Variants in SLFN12 observed in about 807,000 individuals in gnomAD.
SLFN12 encodes schlafen family member 12, also known as ribonuclease SLFN12.
Under a neutral mutation model 29.1 loss-of-function variants are expected in SLFN12, and 25 were observed. That is an observed-to-expected ratio of 0.86 (90% CI 0.63 to 1.20). The LOEUF (loss-of-function observed/expected upper bound fraction) is 1.20. SLFN12 is among the 50% of genes most tolerant of loss of function. SLFN12 has a pLI of 0.00. For synonymous variants in SLFN12, 257 were observed against 238.7 expected, an observed-to-expected ratio of 1.08 and a Z score of -0.71; for missense variants, 660 against 666.2, an observed-to-expected ratio of 0.99 and a Z score of 0.10.
At chr17:35,431,457 A>G (rs921836888) in intron 1 of SLFN12, among the ~76,000 whole-genome samples, 1 of 152,120 alleles carries the variant, frequency 6.6e-6, no homozygotes, top group Non-Finnish European at 1.5e-5. Flanking sequence ...TTGAGGCCAA[A>G]CACTACTGCA....
chr17:35,420,471 T>C, intron 2 of SLFN12, 90 bp from the exon 3 acceptor site: 2 of 745,694 alleles, frequency 2.7e-6, no homozygotes, highest in Non-Finnish European at 4.2e-6. Flanking sequence ...AGTCTACTTG[T>C]AACTGATTCT....
chr17:35,431,378 A>G (rs1912308037), intron 1 of SLFN12, among the ~76,000 whole-genome samples: 1 of 152,144 alleles, frequency 6.6e-6, no homozygotes, highest in Admixed American at 6.5e-5. Context: ...ACAGCAGCAC[A>G]AGAGCCTGCA....
intron 1 of SLFN12, among the ~76,000 whole-genome samples, chr17:35,424,352 T>TA (rs1272628255): frequency 1.8e-4 from 28 of 152,200 alleles, no homozygotes; most frequent in Middle Eastern, 6.8e-3. Context: ...TTTAACTTTT[T>TA]AAAAAAAGTG....
intron 3 of SLFN12, among the ~76,000 whole-genome samples, chr17:35,418,423 A>C (rs1911438994): frequency 6.6e-6 from 1 of 152,134 alleles, no homozygotes; most frequent in Non-Finnish European, 1.5e-5. Context: ...ATGAGTACGA[A>C]GACCTCTAAA....
chr17:35,432,017 G>C (rs772288), intron 1 of SLFN12, 171 bp downstream of exon 1: 63,630 of 151,786 alleles, frequency 0.42, 14,499 homozygotes, highest in Non-Finnish European at 0.49. Flanking sequence ...TGGCCTTCAA[G>C]GCAGCACTGG....
At chr17:35,429,058 C>T (rs1184139055) in intron 1 of SLFN12, among the ~76,000 whole-genome samples, 1 of 152,084 alleles carries the variant, frequency 6.6e-6, no homozygotes, top group Non-Finnish European at 1.5e-5. Context: ...TGCTCTGCTC[C>T]CCGATTCTTT....
At chr17:35,419,354 G>C (rs547958837) in intron 3 of SLFN12, among the ~76,000 whole-genome samples, 1 of 151,994 alleles carries the variant, frequency 6.6e-6, no homozygotes, top group East Asian at 1.9e-4. Context: ...GAAAACATTT[G>C]GTAGTCGTTA....
intron 3 of SLFN12, among the ~76,000 whole-genome samples, chr17:35,419,962 A>G (rs1911529302): frequency 6.6e-6 from 1 of 152,324 alleles, no homozygotes; most frequent in South Asian, 2.1e-4. Flanking sequence ...GAACATAGCT[A>G]TGCCTGAAGG....
intron 2 of SLFN12, 194 bp from the exon 3 acceptor site, chr17:35,420,575 A>G (rs1282234019): frequency 3.2e-5 from 13 of 409,268 alleles, no homozygotes; most frequent in Non-Finnish European, 5.6e-5. Context: ...CTGACACACT[A>G]TATTTCAAAT....
chr17:35,424,001 T>A (rs902217324), intron 1 of SLFN12, among the ~76,000 whole-genome samples: 1 of 152,138 alleles, frequency 6.6e-6, no homozygotes, highest in African/African-American at 2.4e-5. Flanking sequence ...CTGTTATTTG[T>A]AAGCCACCCA....
At chr17:35,413,134 T>G (rs1911123344) in intron 3 of SLFN12, among the ~76,000 whole-genome samples, 1 of 150,246 alleles carries the variant, frequency 6.7e-6, no homozygotes, top group South Asian at 2.1e-4. Context: ...GTCTAGCAAA[T>G]TTATAAGTCC....
At position 35,422,515 on chromosome 17, in the gene SLFN12, G is replaced by A; in HGVS notation, c.514C>T (p.Gln172Ter). The A allele has an allele frequency of 6.2e-7, 1 of 1,613,804 alleles. No individual in the cohort carries two copies. Among genetic ancestry groups the A allele is most frequent in the South Asian group, 1.1e-5 (1 of 91,010 alleles). The change falls in exon 2 of 4, where the codon CAA (glutamine) becomes TAA (stop). Residue 172 changes from glutamine to a stop codon, truncating the protein, a stop_gained. Coordinates refer to ENST00000304905, the MANE Select transcript of SLFN12 (RefSeq NM_018042.5). LOFTEE classifies it high-confidence loss of function. ...LLAKRPCVDI[Q>*]EENNMKALAG... ...AAGGCCTTCATGTTATTTTCTTCTT[G>A]TATATCAACACAGGGCCTCTTTGCC...
At chr17:35,427,003 T>C (rs931258673) in intron 1 of SLFN12, among the ~76,000 whole-genome samples, 5 of 152,090 alleles carry the variant, frequency 3.3e-5, no homozygotes, top group African/African-American at 4.8e-5. Flanking sequence ...TCCTGAGCAG[T>C]GGCTGTCACT....
At position 35,418,083 on chromosome 17, in the gene SLFN12, G is replaced by GT. The variant is rs575995491; in HGVS notation, c.1147+2190dup. ...GTAACTGCAAATCAAAATCCCAAAA[G>GT]TTTTTTTGGCATTTAAGCAGATTCT... On this transcript the variant is annotated intron_variant, in intron 3 of 3. Transcript: ENST00000304905. Among the ~76,000 whole-genome samples the GT allele has an allele frequency of 3.9e-5, 6 of 152,056 alleles. No homozygotes were observed. The South Asian group carries it at 6.2e-4, about 16-fold the overall frequency.
At chr17:35,414,994 G>T (rs530475956) in intron 3 of SLFN12, among the ~76,000 whole-genome samples, 1 of 150,414 alleles carries the variant, frequency 6.6e-6, no homozygotes, top group Non-Finnish European at 1.5e-5. Flanking sequence ...ATCATTCTTC[G>T]CAGAACTAGA....
intron 3 of SLFN12, among the ~76,000 whole-genome samples, chr17:35,413,631 C>T (rs2142031033): frequency 6.6e-6 from 1 of 151,838 alleles, no homozygotes; most frequent in East Asian, 1.9e-4. Flanking sequence ...CACCTGTAAT[C>T]CCAGCTACTC....
chr17:35,421,621 C>A (rs962193411), intron 2 of SLFN12, among the ~76,000 whole-genome samples: 1 of 145,768 alleles, frequency 6.9e-6, no homozygotes, highest in Non-Finnish European at 1.5e-5. Context: ...CCCACTGCAA[C>A]CTCCGCCACC....
chr17:35,416,744 C>T (rs1911338860), intron 3 of SLFN12, among the ~76,000 whole-genome samples: 1 of 151,992 alleles, frequency 6.6e-6, no homozygotes, highest in South Asian at 2.1e-4. Flanking sequence ...AAAGAGTAGG[C>T]AACCCTTTTA....
chr17:35,418,930 T>C (rs1911471237), intron 3 of SLFN12, among the ~76,000 whole-genome samples: 1 of 152,090 alleles, frequency 6.6e-6, no homozygotes, highest in Non-Finnish European at 1.5e-5. Flanking sequence ...TACAGTGGTG[T>C]GATCTCAGCC....
Sources: gnomAD v4.1 joint callset for allele counts (sites outside exome capture counted in the v4.1 genomes callset) on GRCh38, gnomAD v4.1.1 for gene constraint, MANE v1.5 for transcripts, NCBI Gene and HGNC (gene_info 2026-07-23, HGNC 2026-07-21) for gene names.